Variants in STIM1 observed in about 807,000 individuals in gnomAD.
The protein encoded by STIM1 is stromal interaction molecule 1.
A neutral mutation model predicts 74.7 loss-of-function variants in STIM1; 25 were observed. The observed-to-expected ratio is 0.33, with a 90% CI of 0.24 to 0.47. The LOEUF (loss-of-function observed/expected upper bound fraction) is 0.47, where lower values mean the gene tolerates loss of function less well. STIM1 is among the 20% of genes least tolerant of loss of function. The pLI is 1.00. For synonymous variants in STIM1, 328 were observed against 348.8 expected (o/e 0.94, Z 0.66); for missense variants, 728 against 920.8 (o/e 0.79, Z 2.71).
Position 3,892,470 on chromosome 11 carries a change from C to A in STIM1, c.139+36061C>A, listed in dbSNP as rs1012886957. 9 of 1,511,516 alleles carry A rather than the reference C, an allele frequency of 6.0e-6. No homozygotes were observed. In the African/African-American group the frequency reaches 6.8e-5, roughly 11 times the overall value. The allele number at this position is 1,511,516 out of a possible 1,614,324, so 93.6% of individuals were successfully genotyped here. A position where few individuals can be genotyped will look rare whatever the true frequency, so the allele number is the denominator to read the frequency against. On this transcript the variant is annotated intron_variant, in intron 1 of 12. Transcript: ENST00000526596. ...CTGGACCCAAAGTGCTCTATGGCCT[C>A]CACAATATTCATGCCTTCTTTCGCC...
intron 3 of STIM1, among the ~76,000 whole-genome samples, chr11:4,050,672 G>T (rs1411206516): frequency 1.3e-5 from 2 of 152,084 alleles, no homozygotes; most frequent in Non-Finnish European, 2.9e-5. Context: ...ACAACACAGG[G>T]GTTAGGGGTG....
intron 3 of STIM1, 127 bp from the exon 4 acceptor site, chr11:4,055,399 C>A: frequency 1.3e-6 from 1 of 747,150 alleles, no homozygotes; most frequent in African/African-American, 1.7e-5. Flanking sequence ...TCCTTTCATA[C>A]TTAGTATTTT....
At chr11:3,965,896 A>G (rs2093335879) in intron 1 of STIM1, among the ~76,000 whole-genome samples, 2 of 152,138 alleles carry the variant, frequency 1.3e-5, no homozygotes, top group Non-Finnish European at 2.9e-5. Context: ...AATCCCAGCT[A>G]CTCGGAAGGC....
chr11:3,948,919 T>C (rs1276287533), intron 1 of STIM1, among the ~76,000 whole-genome samples: 5 of 152,230 alleles, frequency 3.3e-5, no homozygotes, highest in Non-Finnish European at 7.3e-5. Flanking sequence ...TATTTCAGTG[T>C]ACTAGTTAGA....
intron 1 of STIM1, among the ~76,000 whole-genome samples, chr11:3,896,468 T>G (rs1192454829): frequency 1.3e-5 from 2 of 152,240 alleles, no homozygotes; most frequent in African/African-American, 4.8e-5. Flanking sequence ...CTTTTCATCA[T>G]TATACTATAT....
intron 10 of STIM1, 178 bp downstream of exon 10, chr11:4,083,676 T>C (rs562159303): frequency 5.0e-5 from 33 of 661,924 alleles, no homozygotes; most frequent in Non-Finnish European, 7.4e-5. Flanking sequence ...GTTGTCCTTT[T>C]GGTGTTCTTT....
chr11:3,955,627 C>T lies in STIM1; in HGVS notation c.140-11925C>T, dbSNP rs188908565. Among the ~76,000 whole-genome samples, 9 of 151,986 alleles carry T rather than the reference C, an allele frequency of 5.9e-5. No homozygotes were observed. The East Asian group carries it at 1.7e-3, about 29-fold the overall frequency. ...TGTAAAAATATATATTTTAAATTGT[C>T]TATATATTTACTTATGTACTTTACT... On this transcript the variant is annotated intron_variant, in intron 1 of 12. Coordinates refer to ENST00000526596, the MANE Select transcript of STIM1 (RefSeq NM_001382567.1).
chr11:4,090,677 G>A (rs1209110341), intron 12 of STIM1, among the ~76,000 whole-genome samples: 2 of 152,200 alleles, frequency 1.3e-5, no homozygotes, highest in African/African-American at 4.8e-5. Flanking sequence ...GGGAAGGAAG[G>A]CATGGAAAAT....
intron 1 of STIM1, 25 bp from the exon 2 acceptor site, chr11:3,967,527 T>TA: frequency 6.2e-7 from 1 of 1,613,978 alleles, no homozygotes. Flanking sequence ...TCTGAGTAAT[T>TA]TTGTCTCTTG....
chr11:3,881,034 G>A (rs2091477932), intron 1 of STIM1, among the ~76,000 whole-genome samples: 1 of 151,710 alleles, frequency 6.6e-6, no homozygotes, highest in African/African-American at 2.4e-5. Context: ...CAGCTGGATG[G>A]GAAAACAGTG....
chr11:3,882,092 CTTTTTTTTTTTT>C (rs946580998), intron 1 of STIM1, among the ~76,000 whole-genome samples: 1 of 92,312 alleles, frequency 1.1e-5, no homozygotes, highest in African/African-American at 4.4e-5. Context: ...CACTTCATTC[CTTTTTTTTTTTT>C]TTTTTTTTTT....
At chr11:3,940,558 G>A (rs1384402088) in intron 1 of STIM1, among the ~76,000 whole-genome samples, 2 of 152,184 alleles carry the variant, frequency 1.3e-5, no homozygotes, top group Non-Finnish European at 2.9e-5. Context: ...GGTGATGTGT[G>A]TAAAGCACCA....
chr11:3,967,755 C>A, intron 2 of STIM1, 73 bp downstream of exon 2: 2 of 1,598,718 alleles, frequency 1.3e-6, no homozygotes, highest in Non-Finnish European at 8.6e-7. Flanking sequence ...ACTTAGACAG[C>A]CTCTTCCCTG....
At position 3,965,787 on chromosome 11, in the gene STIM1, C is replaced by T. The variant is rs1394837940; in HGVS notation, c.140-1765C>T. On this transcript the variant is annotated intron_variant, in intron 1 of 12. Coordinates refer to ENST00000526596, the MANE Select transcript of STIM1 (RefSeq NM_001382567.1). ...TCGGGAGGCCGAGGTGGGCGGATCA[C>T]TTGAGGTCAGGACTTCGAGACTGGC... 5.3e-5 allele frequency among the ~76,000 whole-genome samples: 8 copies of T among 152,220 alleles called. 1 individual carries two copies. The highest frequency in any genetic ancestry group is 7.2e-5 in the African/African-American group (3 of 41,468).
intron 1 of STIM1, among the ~76,000 whole-genome samples, chr11:3,948,635 T>C (rs2093108440): frequency 6.6e-6 from 1 of 152,220 alleles, no homozygotes; most frequent in South Asian, 2.1e-4. Context: ...CAGGTGTCAG[T>C]TGTGCTTATT....
chr11:4,028,220 T>C (rs2094014387), intron 3 of STIM1, among the ~76,000 whole-genome samples: 1 of 152,030 alleles, frequency 6.6e-6, no homozygotes, highest in African/African-American at 2.4e-5. Flanking sequence ...TAGCTGGGAT[T>C]ACAAGTGTGC....
chr11:4,080,414 C>A (rs1368943855), intron 7 of STIM1, among the ~76,000 whole-genome samples: 1 of 151,526 alleles, frequency 6.6e-6, no homozygotes, highest in East Asian at 1.9e-4. Flanking sequence ...GTCTGTCTGT[C>A]TTCCATCTTC....
Position 4,045,762 on chromosome 11 carries a change from C to CTTTTTTTTTTTTTT in STIM1, c.386-9756_386-9743dup, listed in dbSNP as rs35939527. Among the ~76,000 whole-genome samples, 9 of 104,488 alleles carry CTTTTTTTTTTTTTT rather than the reference C, an allele frequency of 8.6e-5. 1 individual carries two copies. The highest frequency in any genetic ancestry group is 2.4e-4 in the African/African-American group (7 of 29,368). 68.5% of individuals were successfully genotyped at this position (104,488 alleles called of 152,430 possible). ...CCACCAAGTCCATCCCTCAACACTT[C>CTTTTTTTTTTTTTT]TTTTTTTTTTTTTTTTTTTTTGAGA... On this transcript the variant is annotated intron_variant, in intron 3 of 12. Transcript: ENST00000526596.
At chr11:4,074,243 G>A (rs1474449613) in intron 6 of STIM1, among the ~76,000 whole-genome samples, 1 of 152,194 alleles carries the variant, frequency 6.6e-6, no homozygotes, top group Non-Finnish European at 1.5e-5. Flanking sequence ...AGATAGTTTC[G>A]AGGAGGGATT....
Sources: gnomAD v4.1 joint callset for allele counts (sites outside exome capture counted in the v4.1 genomes callset) on GRCh38, gnomAD v4.1.1 for gene constraint, MANE v1.5 for transcripts, NCBI Gene and HGNC (gene_info 2026-07-23, HGNC 2026-07-21) for gene names.